Variants in GPC3 observed in about 807,000 individuals in gnomAD.
GPC3 encodes the protein glypican 3.
A neutral mutation model predicts 34.4 loss-of-function variants in GPC3; 3 were observed. The observed-to-expected ratio is 0.09, with a 90% CI of 0.04 to 0.23. The LOEUF (loss-of-function observed/expected upper bound fraction) is 0.23. GPC3 is among the 10% of genes least tolerant of loss of function. The pLI is 1.00. For synonymous variants in GPC3, 177 were observed against 174.0 expected, an observed-to-expected ratio of 1.02 and a Z score of -0.13; for missense variants, 351 against 445.6, an observed-to-expected ratio of 0.79 and a Z score of 1.91.
At chrX:133,875,672 GTTTC>G (rs2076014179) in intron 2 of GPC3, among the ~76,000 whole-genome samples, 1 of 111,049 alleles carries the variant, frequency 9.0e-6, no homozygotes, top group Non-Finnish European at 1.9e-5. Context: ...TATGTTCATG[GTTTC>G]TTTGTCACTC....
intron 1 of GPC3, among the ~76,000 whole-genome samples, chrX:133,982,475 A>G (rs2076545207): frequency 8.9e-6 from 1 of 112,140 alleles, no homozygotes; most frequent in African/African-American, 3.2e-5. Flanking sequence ...TGAGATTGTA[A>G]GGCTTTAGAT....
At chrX:133,589,243 T>C (rs2069822099) in intron 7 of GPC3, among the ~76,000 whole-genome samples, 1 of 111,779 alleles carries the variant, frequency 8.9e-6, no homozygotes, top group Admixed American at 9.5e-5. Flanking sequence ...TCTAGAATTG[T>C]AGCTCCCATA....
At chrX:133,628,292 A>G (rs1453287274) in intron 6 of GPC3, among the ~76,000 whole-genome samples, 2 of 112,525 alleles carry the variant, frequency 1.8e-5, no homozygotes, top group African/African-American at 6.5e-5. Flanking sequence ...GTAGAGAACC[A>G]TGAAATAAAC....
intron 2 of GPC3, among the ~76,000 whole-genome samples, chrX:133,869,958 A>AAAATAAAT (rs779084877): frequency 5.4e-5 from 6 of 111,950 alleles, no homozygotes; most frequent in Admixed American, 9.5e-5. Flanking sequence ...CCGTCTCAAA[A>AAAATAAAT]AAATAAATAA....
chrX:133,556,067 C>T (rs1249115043), intron 7 of GPC3, among the ~76,000 whole-genome samples: 2 of 111,488 alleles, frequency 1.8e-5, no homozygotes, highest in Non-Finnish European at 3.8e-5. Flanking sequence ...GTGAACTCTT[C>T]TTTCAATTAC....
intron 2 of GPC3, among the ~76,000 whole-genome samples, chrX:133,945,497 T>G (rs1032923289): frequency 2.7e-5 from 3 of 111,549 alleles, no homozygotes; most frequent in African/African-American, 6.5e-5. Flanking sequence ...AGCATGTCTA[T>G]CTGGAGATTT....
At chrX:133,757,611 G>A (rs1173154464) in intron 2 of GPC3, among the ~76,000 whole-genome samples, 1 of 111,121 alleles carries the variant, frequency 9.0e-6, no homozygotes, top group African/African-American at 3.3e-5. Context: ...AAGAAGAGAG[G>A]AATAAATGAA....
chrX:133,918,533 T>C (rs766051520), intron 2 of GPC3, among the ~76,000 whole-genome samples: 161 of 112,575 alleles, frequency 1.4e-3, no homozygotes, highest in African/African-American at 5.0e-3. Context: ...TTCCTGTCCT[T>C]GACTTTATTG....
intron 2 of GPC3, among the ~76,000 whole-genome samples, chrX:133,952,162 A>G (rs1474348972): frequency 9.0e-6 from 1 of 111,250 alleles, no homozygotes; most frequent in African/African-American, 3.3e-5. Context: ...AGACTCTAAG[A>G]GCCATGCCAT....
chrX:133,985,017 G>A (rs1373020535), intron 1 of GPC3, among the ~76,000 whole-genome samples: 1 of 111,975 alleles, frequency 8.9e-6, no homozygotes, highest in African/African-American at 3.2e-5. Context: ...CTCACGAGAA[G>A]GCGATCCCCA....
intron 7 of GPC3, among the ~76,000 whole-genome samples, chrX:133,585,965 T>TA (rs1241754656): frequency 1.8e-5 from 2 of 112,162 alleles, no homozygotes; most frequent in East Asian, 2.8e-4. Flanking sequence ...ACTCAATTCT[T>TA]AGAGTTATGT....
chrX:133,785,930 C>T (rs1378368866), intron 2 of GPC3, among the ~76,000 whole-genome samples: 1 of 112,044 alleles, frequency 8.9e-6, no homozygotes, highest in Non-Finnish European at 1.9e-5. Flanking sequence ...AGTAATATAG[C>T]AATAGCTATT....
chrX:133,686,218 G>T (rs776342944), intron 5 of GPC3, among the ~76,000 whole-genome samples: 4 of 111,431 alleles, frequency 3.6e-5, no homozygotes, highest in African/African-American at 1.3e-4. Flanking sequence ...GGATTACAGA[G>T]ATGAGGTCTG....
chrX:133,839,613 T>C (rs764463553), intron 2 of GPC3, among the ~76,000 whole-genome samples: 4 of 110,873 alleles, frequency 3.6e-5, no homozygotes, highest in African/African-American at 9.8e-5. Flanking sequence ...TCTCCCCAGT[T>C]ATAAAAATCT....
At chrX:133,648,763 C>G (rs2070568945) in intron 6 of GPC3, among the ~76,000 whole-genome samples, 1 of 112,142 alleles carries the variant, frequency 8.9e-6, no homozygotes, top group Admixed American at 9.5e-5. Flanking sequence ...TATCGATGTA[C>G]TTTCATGTCT....
At chrX:133,636,631 C>T (rs1174217328) in intron 6 of GPC3, among the ~76,000 whole-genome samples, 1 of 112,245 alleles carries the variant, frequency 8.9e-6, no homozygotes, top group Non-Finnish European at 1.9e-5. Context: ...CACGCCACTG[C>T]ACTCCAGCCT....
At position 133,819,025 on chromosome X, in the gene GPC3, G is replaced by A. The variant is rs189938682; in HGVS notation, c.338-64849C>T. On this transcript the variant is annotated intron_variant, in intron 2 of 7. Coordinates refer to ENST00000370818, the MANE Select transcript of GPC3 (RefSeq NM_004484.4). Reference sequence around the variant, plus strand: ...ATTATTATTATACTTTAAGTTTTAGGGTACATGTGCGCAATGTGCAGGTTA... The same window carrying A: ...ATTATTATTATACTTTAAGTTTTAGAGTACATGTGCGCAATGTGCAGGTTA... Among the ~76,000 whole-genome samples, 685 of 107,562 alleles carry A rather than the reference G, an allele frequency of 6.4e-3. 8 individuals are homozygous for A. The highest frequency in any genetic ancestry group is 0.022 in the African/African-American group (636 of 29,450). 93.4% of individuals were successfully genotyped at this position (107,562 alleles called of 115,157 possible).
intron 7 of GPC3, among the ~76,000 whole-genome samples, chrX:133,573,953 T>C (rs1245073977): frequency 8.9e-6 from 1 of 112,046 alleles, no homozygotes; most frequent in Non-Finnish European, 1.9e-5. Flanking sequence ...TTAAGTAAAA[T>C]AATACAGCCA....
chrX:133,664,745 T>G (rs781663833), intron 5 of GPC3, among the ~76,000 whole-genome samples: 1 of 108,452 alleles, frequency 9.2e-6, no homozygotes, highest in East Asian at 2.9e-4. Context: ...AAATATTGAG[T>G]TGCAGTATTT....
Sources: gnomAD v4.1 joint callset for allele counts (sites outside exome capture counted in the v4.1 genomes callset) on GRCh38, gnomAD v4.1.1 for gene constraint, MANE v1.5 for transcripts, NCBI Gene and HGNC (gene_info 2026-07-23, HGNC 2026-07-21) for gene names.